Variants in CALD1 observed in about 807,000 individuals in gnomAD.
CALD1 encodes the protein caldesmon 1.
Under a neutral mutation model 99.9 loss-of-function variants are expected in CALD1, and 33 were observed. The ratio of observed to expected loss-of-function variants is 0.33; its 90% CI spans 0.25 to 0.44. CALD1 has a LOEUF of 0.44. Ranked by LOEUF, CALD1 falls within the 20% of genes least tolerant of loss-of-function variation. CALD1 has a pLI of 1.00. For synonymous variants in CALD1, 310 were observed against 325.0 expected (o/e 0.95, Z 0.50); for missense variants, 861 against 962.1 (o/e 0.89, Z 1.39).
chr7:134,916,799 G>A (rs1029367250), intron 3 of CALD1, among the ~76,000 whole-genome samples: 13 of 152,302 alleles, frequency 8.5e-5, no homozygotes, highest in African/African-American at 3.1e-4. Flanking sequence ...AACCACATGA[G>A]ATTATGGACT....
At chr7:134,823,047 C>A (rs1798844368) in intron 1 of CALD1, among the ~76,000 whole-genome samples, 1 of 152,108 alleles carries the variant, frequency 6.6e-6, no homozygotes. Context: ...CCCTGCCCAC[C>A]CCACCTGTCC....
chr7:134,885,830 A>T (rs975116534), intron 3 of CALD1, among the ~76,000 whole-genome samples: 23 of 152,200 alleles, frequency 1.5e-4, no homozygotes, highest in African/African-American at 5.3e-4. Flanking sequence ...TCCTAGAATT[A>T]TATAAAGCAG....
At chr7:134,800,624 CATT>C (rs1270962928) in intron 1 of CALD1, among the ~76,000 whole-genome samples, 1 of 151,766 alleles carries the variant, frequency 6.6e-6, no homozygotes, top group Non-Finnish European at 1.5e-5. Context: ...AAGTGGGTCT[CATT>C]AATAGCATAT....
the CALD1 span, among the ~76,000 whole-genome samples, chr7:134,724,466 A>G: frequency 6.6e-6 from 1 of 152,140 alleles, no homozygotes; most frequent in African/African-American, 2.4e-5. Flanking sequence ...CTGTGGACTG[A>G]CTCTGTGACC....
In CALD1 at chr7:134,947,446, T is replaced by C. The variant is rs376670967; in HGVS notation, c.1533-62T>C. 4 of 1,494,442 alleles carry C rather than the reference T, an allele frequency of 2.7e-6. No homozygotes were observed. The African/African-American group carries it at 5.6e-5, about 21-fold the overall frequency. The allele number at this position is 1,494,442 out of a possible 1,614,324, so 92.6% of individuals were successfully genotyped here. A position where few individuals can be genotyped will look rare whatever the true frequency, so the allele number is the denominator to read the frequency against. ...GCAGAAGCCGCAGACCGACCTCCCC[T>C]TCCTCCAGGGAGACTACAGGCAAAA... On this transcript the variant is annotated intron_variant, in intron 7 of 14. Transcript: ENST00000361675.
intron 3 of CALD1, among the ~76,000 whole-genome samples, chr7:134,915,575 G>A (rs1804146058): frequency 6.6e-6 from 1 of 152,174 alleles, no homozygotes; most frequent in African/African-American, 2.4e-5. Context: ...AGGAGAGACA[G>A]GAACCCTCAA....
At chr7:134,878,743 C>G (rs1315073618) in intron 3 of CALD1, among the ~76,000 whole-genome samples, 2 of 152,102 alleles carry the variant, frequency 1.3e-5, no homozygotes, top group Non-Finnish European at 2.9e-5. Flanking sequence ...GGGAGAATCA[C>G]TTGAGCCCAG....
At chr7:134,911,965 TTCCATGATGGAA>T (rs1803845643) in intron 3 of CALD1, among the ~76,000 whole-genome samples, 1 of 152,014 alleles carries the variant, frequency 6.6e-6, no homozygotes, top group South Asian at 2.1e-4. Flanking sequence ...TCTAGTTGAC[TTCCATGATGGAA>T]GAATGTAGCA....
chr7:134,770,819 C>T (rs150911101), intron 1 of CALD1, among the ~76,000 whole-genome samples: 66 of 152,280 alleles, frequency 4.3e-4, no homozygotes, highest in African/African-American at 1.4e-3. Context: ...AAACATGTGA[C>T]GCCTCTTTAA....
At chr7:134,740,902 A>G (rs1796587131), upstream of CALD1, among the ~76,000 whole-genome samples, 1 of 152,252 alleles carries the variant, frequency 6.6e-6, no homozygotes, top group African/African-American at 2.4e-5. Context: ...TGTGCAAGGC[A>G]CTTCTCTAAA....
At chr7:134,831,262 TTAAAG>T (rs1211380000) in intron 1 of CALD1, among the ~76,000 whole-genome samples, 4 of 152,224 alleles carry the variant, frequency 2.6e-5, no homozygotes, top group Non-Finnish European at 5.9e-5. Flanking sequence ...TATTGAAACT[TTAAAG>T]TAATCTCAGG....
chr7:134,960,701 G>T, intron 13 of CALD1, 73 bp downstream of exon 13: 1 of 952,294 alleles, frequency 1.1e-6, no homozygotes, highest in Non-Finnish European at 1.7e-6. Context: ...CAAGCAGTTG[G>T]TCTGTTTACC....
At chr7:134,873,029 A>C (rs1801170797) in intron 3 of CALD1, among the ~76,000 whole-genome samples, 1 of 151,170 alleles carries the variant, frequency 6.6e-6, no homozygotes, top group Admixed American at 6.6e-5. Flanking sequence ...CTAAAAATAC[A>C]AAAAAAAATT....
At chr7:134,721,206 G>A in the CALD1 span, among the ~76,000 whole-genome samples, 1 of 152,080 alleles carries the variant, frequency 6.6e-6, no homozygotes, top group Non-Finnish European at 1.5e-5. Flanking sequence ...CCCCTTAGGG[G>A]TGCAAGAAAA....
chr7:134,825,142 C>T (rs1188173671), intron 1 of CALD1, among the ~76,000 whole-genome samples: 1 of 151,962 alleles, frequency 6.6e-6, no homozygotes, highest in Non-Finnish European at 1.5e-5. Flanking sequence ...CTAAAATGAT[C>T]ACTTCAAAGC....
intron 1 of CALD1, among the ~76,000 whole-genome samples, chr7:134,763,840 C>T (rs758811270): frequency 6.0e-5 from 9 of 150,982 alleles, no homozygotes; most frequent in Non-Finnish European, 1.2e-4. Context: ...ATTGTTGGAA[C>T]CCAGGAGGCA....
upstream of CALD1, among the ~76,000 whole-genome samples, chr7:134,778,903 T>C (rs1375538306): frequency 2.6e-5 from 4 of 152,210 alleles, no homozygotes; most frequent in Admixed American, 6.5e-5. Context: ...TCCAAGCCTG[T>C]AGGACCTTAG....
At chr7:134,921,179 G>A (rs1342563408) in intron 3 of CALD1, among the ~76,000 whole-genome samples, 8 of 152,186 alleles carry the variant, frequency 5.3e-5, no homozygotes, top group African/African-American at 1.9e-4. Context: ...TCTGTAGTCT[G>A]ATGAACAGTT....
chr7:134,747,615 G>A (rs1796646467), intron 1 of CALD1, among the ~76,000 whole-genome samples: 2 of 152,176 alleles, frequency 1.3e-5, no homozygotes, highest in South Asian at 2.1e-4. Flanking sequence ...GGCCATCGCT[G>A]CCCAGAGCAG....
Sources: allele counts gnomAD v4.1 joint callset (sites outside exome capture counted in the v4.1 genomes callset), GRCh38; gene constraint gnomAD v4.1.1; transcripts MANE v1.5; gene names NCBI Gene and HGNC (gene_info 2026-07-23, HGNC 2026-07-21).